Variants in COL5A2 observed in about 807,000 individuals in gnomAD.
The protein encoded by COL5A2 is collagen type V alpha 2 chain, also known as collagen alpha-2(V) chain.
In COL5A2, 23 loss-of-function variants were observed where a neutral mutation model predicts 208.2. The ratio of observed to expected loss-of-function variants is 0.11; its 90% CI spans 0.08 to 0.16. The LOEUF (loss-of-function observed/expected upper bound fraction) is 0.16, where lower values mean the gene tolerates loss of function less well. Among genes scored for constraint, COL5A2 ranks in the 10% least tolerant of loss-of-function variants. The probability of loss-of-function intolerance (pLI) is 1.00; values close to 1 mark genes in which losing one functional copy is unlikely to be tolerated. For synonymous variants in COL5A2, 625 were observed against 628.5 expected (o/e 0.99, Z 0.08); for missense variants, 1,590 against 1,956.4 (o/e 0.81, Z 3.53).
the COL5A2 span, among the ~76,000 whole-genome samples, chr2:189,382,486 A>G: frequency 6.6e-6 from 1 of 152,242 alleles, no homozygotes; most frequent in Non-Finnish European, 1.5e-5. Flanking sequence ...CCTTTGTCAT[A>G]TAGTTAATTC....
chr2:189,362,660 C>T, the COL5A2 span, among the ~76,000 whole-genome samples: 1 of 152,028 alleles, frequency 6.6e-6, no homozygotes, highest in Admixed American at 6.6e-5. Flanking sequence ...CAAATGTGAA[C>T]AATAAGTTAT....
At position 189,032,282 on chromosome 2, in the gene COL5A2, A is replaced by C. The variant is rs767377124; in HGVS notation, c.*1788T>G. The stretch of plus-strand genomic sequence containing the variant: ...CTATTGCTTGCCCTTTTTATCAATA[A>C]TACTACTCTGACATTTTTAAGGGCA... On this transcript the variant is annotated 3_prime_UTR_variant, in exon 54 of 54. Transcript: ENST00000374866. 6.6e-6 allele frequency: 1 copy of C among 152,168 alleles called. No homozygotes were observed. The highest frequency in any genetic ancestry group is 1.5e-5 in the Non-Finnish European group (1 of 68,022). The allele number at this position is 152,168 out of a possible 1,614,324, so 9.4% of individuals were successfully genotyped here.
chr2:189,088,877 CT>C, intron 7 of COL5A2, 105 bp from the exon 8 acceptor site: 1 of 911,704 alleles, frequency 1.1e-6, no homozygotes, highest in South Asian at 1.3e-5. Context: ...TAGAATGACT[CT>C]TCTGAGAATC....
chr2:189,311,145 T>A, the COL5A2 span: 1 of 608,588 alleles, frequency 1.6e-6, no homozygotes, highest in Non-Finnish European at 2.9e-6. Flanking sequence ...GGGGCTGAAG[T>A]GGACCCCCAG....
intron 43 of COL5A2, among the ~76,000 whole-genome samples, chr2:189,049,775 C>T (rs539891332): frequency 3.9e-5 from 6 of 152,234 alleles, no homozygotes; most frequent in African/African-American, 7.2e-5. Context: ...CCTTTTTCCC[C>T]GCTCTGCTTT....
chr2:189,217,388 T>C (rs907853360), intron 1 of COL5A2, among the ~76,000 whole-genome samples: 2 of 152,222 alleles, frequency 1.3e-5, no homozygotes, highest in Non-Finnish European at 2.9e-5. Context: ...CACTCTGGCT[T>C]CCTTTTTGTC....
the COL5A2 span, among the ~76,000 whole-genome samples, chr2:189,401,176 C>T: frequency 6.6e-6 from 1 of 152,140 alleles, no homozygotes; most frequent in Non-Finnish European, 1.5e-5. Context: ...GCCCAGCATC[C>T]ATGAACTATT....
At chr2:189,343,169 G>A in the COL5A2 span, among the ~76,000 whole-genome samples, 6 of 151,120 alleles carry the variant, frequency 4.0e-5, no homozygotes, top group South Asian at 6.2e-4. Flanking sequence ...AAATTCTCTC[G>A]TGTTAAAAAA....
the COL5A2 span, among the ~76,000 whole-genome samples, chr2:189,262,877 A>T: frequency 6.6e-6 from 1 of 152,154 alleles, no homozygotes; most frequent in African/African-American, 2.4e-5. Flanking sequence ...TGGTTATTGC[A>T]GATGCATTCT....
At chr2:189,285,275 C>T in the COL5A2 span, among the ~76,000 whole-genome samples, 5 of 151,990 alleles carry the variant, frequency 3.3e-5, 1 homozygote, top group Non-Finnish European at 7.4e-5. Flanking sequence ...AATGCCAGAC[C>T]ACATTTCAAA....
At chr2:189,305,829 A>AC in the COL5A2 span, among the ~76,000 whole-genome samples, 2 of 152,180 alleles carry the variant, frequency 1.3e-5, no homozygotes, top group Non-Finnish European at 2.9e-5. Context: ...AAAAAAAAAA[A>AC]AAACTAGACA....
rs190648315 is a variant in COL5A2 at position 189,152,364 on chromosome 2, T to C, written c.97+27144A>G. ...TGATACCAAAGAGTTCTAAATTGTA[T>C]CTCTGTGATGTTTCCTCAGAGAAAT... On this transcript the variant is annotated intron_variant, in intron 1 of 53. Transcript: ENST00000374866. 5.3e-5 allele frequency among the ~76,000 whole-genome samples: 8 copies of C among 152,346 alleles called. No individual in the cohort carries two copies. In the South Asian group the frequency reaches 1.2e-3, roughly 24 times the overall value.
chr2:189,108,045 C>G (rs1360796088), intron 2 of COL5A2, among the ~76,000 whole-genome samples: 3 of 151,616 alleles, frequency 2.0e-5, no homozygotes, highest in Non-Finnish European at 4.4e-5. Flanking sequence ...CTGACTTTCA[C>G]CTTTAAAGAT....
chr2:189,036,569 G>A lies in COL5A2; in HGVS notation c.4113+47C>T, dbSNP rs12693526. The A allele has an allele frequency of 0.78, 1,113,541 of 1,432,150 alleles. 438,191 individuals are homozygous for A. Among genetic ancestry groups the A allele is most frequent in the Non-Finnish European group, 0.82 (841,082 of 1,031,862 alleles). 88.7% of individuals were successfully genotyped at this position (1,432,150 alleles called of 1,614,324 possible). On this transcript the variant is annotated intron_variant, in intron 52 of 53. Transcript: ENST00000374866. ...TAAATAAATCAAAAATATGTAATAAGTAGTAAAAAGTAAAGAATACAATTT... is the reference window on the plus strand; with the variant it reads ...TAAATAAATCAAAAATATGTAATAAATAGTAAAAAGTAAAGAATACAATTT...
the COL5A2 span, among the ~76,000 whole-genome samples, chr2:189,279,869 C>T: frequency 1.3e-5 from 2 of 152,040 alleles, no homozygotes; most frequent in Non-Finnish European, 2.9e-5. Flanking sequence ...AATATCTGTG[C>T]CCCCTCAAAA....
At chr2:189,257,699 C>T in the COL5A2 span, among the ~76,000 whole-genome samples, 5 of 152,214 alleles carry the variant, frequency 3.3e-5, no homozygotes, top group South Asian at 8.3e-4. Context: ...CCCCTTCCCT[C>T]AGAGTAATTA....
the COL5A2 span, among the ~76,000 whole-genome samples, chr2:189,286,731 T>C: frequency 1.3e-5 from 2 of 152,184 alleles, no homozygotes; most frequent in Non-Finnish European, 2.9e-5. Context: ...CAAAATGTAG[T>C]TTTTAAATTA....
chr2:189,071,513 T>A (rs1031958728), intron 18 of COL5A2, among the ~76,000 whole-genome samples: 2 of 152,202 alleles, frequency 1.3e-5, no homozygotes, highest in East Asian at 3.9e-4. Context: ...CATTCCCACA[T>A]GAAGAGCCAA....
the COL5A2 span, among the ~76,000 whole-genome samples, chr2:189,436,139 G>A: frequency 1.3e-5 from 2 of 152,032 alleles, no homozygotes; most frequent in African/African-American, 2.4e-5. Context: ...AGAACACTTG[G>A]GCACAGGAAG....
Sources: gnomAD v4.1 joint callset for allele counts (sites outside exome capture counted in the v4.1 genomes callset) on GRCh38, gnomAD v4.1.1 for gene constraint, MANE v1.5 for transcripts, NCBI Gene and HGNC (gene_info 2026-07-23, HGNC 2026-07-21) for gene names.